CA10: variants seen among roughly 807,000 people sequenced by gnomAD.
The protein encoded by CA10 is carbonic anhydrase 10 (inactive).
In CA10, 14 loss-of-function variants were observed where a neutral mutation model predicts 44.2. The observed-to-expected ratio is 0.32, with a 90% CI of 0.21 to 0.50. The LOEUF (loss-of-function observed/expected upper bound fraction) is 0.50. Among genes scored for constraint, CA10 ranks in the 20% least tolerant of loss-of-function variants. The pLI is 0.99. For synonymous variants in CA10, 159 were observed against 141.6 expected (o/e 1.12, Z -0.87); for missense variants, 350 against 409.7 (o/e 0.85, Z 1.26).
intron 1 of CA10, among the ~76,000 whole-genome samples, chr17:52,126,127 G>C (rs1173715011): frequency 6.6e-6 from 1 of 152,126 alleles, no homozygotes; most frequent in Non-Finnish European, 1.5e-5. Flanking sequence ...AGTGTTATGT[G>C]AAAAAACATT....
chr17:51,998,032 A>T (rs1457038271), intron 2 of CA10, among the ~76,000 whole-genome samples: 2 of 152,084 alleles, frequency 1.3e-5, no homozygotes, highest in Non-Finnish European at 2.9e-5. Context: ...GCAAACTGGA[A>T]AGCAGCATAT....
chr17:51,981,833 C>T (rs1479212462), intron 2 of CA10, among the ~76,000 whole-genome samples: 2 of 151,942 alleles, frequency 1.3e-5, no homozygotes, highest in African/African-American at 4.8e-5. Flanking sequence ...TTGGTCAGAA[C>T]ACTGGGAAGA....
rs138256243 is a variant in CA10, at chr17:52,110,472, A to T, written c.62-38079T>A. Among the ~76,000 whole-genome samples the T allele has an allele frequency of 1.5e-4, 23 of 152,256 alleles. 1 individual carries two copies. The highest frequency in any genetic ancestry group is 1.5e-5 in the Non-Finnish European group (1 of 68,048). On this transcript the variant is annotated intron_variant, in intron 1 of 8. Transcript: ENST00000451037. ...GACATTTATGCAAATGGCTTAGCCA[A>T]TGCTTGCCCCTAGCAATTGATGTGA...
chr17:52,103,331 C>T lies in CA10; in HGVS notation c.62-30938G>A, dbSNP rs986706996. 2.2e-4 allele frequency among the ~76,000 whole-genome samples: 33 copies of T among 152,184 alleles called. 1 individual carries two copies. The highest frequency in any genetic ancestry group is 5.9e-4 in the Admixed American group (9 of 15,284). ...TCTGGCACTTGCTCCAGGATCAACT[C>T]CCTGCCAGTCACTCTCCCAGTCGTC... On this transcript the variant is annotated intron_variant, in intron 1 of 8. Transcript: ENST00000451037.
At chr17:52,016,421 C>G (rs1985969450) in intron 2 of CA10, among the ~76,000 whole-genome samples, 2 of 152,102 alleles carry the variant, frequency 1.3e-5, no homozygotes, top group South Asian at 4.1e-4. Context: ...GTATTCATTG[C>G]ATTGATTGCA....
chr17:51,840,790 T>A (rs1978313115), intron 3 of CA10, among the ~76,000 whole-genome samples: 1 of 152,102 alleles, frequency 6.6e-6, no homozygotes, highest in Admixed American at 6.5e-5. Flanking sequence ...AAATACGATA[T>A]CAAAACCACA....
At chr17:51,801,454 A>G (rs1906926568) in intron 3 of CA10, among the ~76,000 whole-genome samples, 1 of 152,074 alleles carries the variant, frequency 6.6e-6, no homozygotes, top group South Asian at 2.1e-4. Context: ...TAACAGCGTG[A>G]GTGTGCTTTC....
At chr17:51,728,462 T>C (rs1289552837) in intron 4 of CA10, among the ~76,000 whole-genome samples, 1 of 152,222 alleles carries the variant, frequency 6.6e-6, no homozygotes, top group Non-Finnish European at 1.5e-5. Flanking sequence ...CAATCTGTGA[T>C]AGATCCTCAG....
At chr17:52,149,397 C>CAG (rs1479414843) in intron 1 of CA10, among the ~76,000 whole-genome samples, 3 of 152,212 alleles carry the variant, frequency 2.0e-5, no homozygotes, top group Non-Finnish European at 2.9e-5. Context: ...CACTGCCATC[C>CAG]TGATGGCCCA....
intron 1 of CA10, among the ~76,000 whole-genome samples, chr17:52,110,792 C>G (rs1165107585): frequency 1.3e-5 from 2 of 152,156 alleles, no homozygotes; most frequent in African/African-American, 4.8e-5. Context: ...AGGCTGCCTT[C>G]CTTTGTGGGC....
chr17:51,661,229 GAAAT>G (rs10578015), intron 4 of CA10, among the ~76,000 whole-genome samples: 126,585 of 151,752 alleles, frequency 0.83, 53,145 homozygotes, highest in Middle Eastern at 0.86. Context: ...TATCAAGGCA[GAAAT>G]AAATAATTGT....
At chr17:52,115,706 G>A (rs1383110277) in intron 1 of CA10, among the ~76,000 whole-genome samples, 1 of 152,216 alleles carries the variant, frequency 6.6e-6, no homozygotes, top group East Asian at 1.9e-4. Flanking sequence ...TGGCCCAAGG[G>A]CCCTGCGTGG....
chr17:52,138,035 G>A (rs1438989609), intron 1 of CA10, among the ~76,000 whole-genome samples: 2 of 152,026 alleles, frequency 1.3e-5, no homozygotes, highest in Non-Finnish European at 2.9e-5. Context: ...TTATCTTACA[G>A]TTCTGGAGCT....
At chr17:51,671,757 T>G (rs542132160) in intron 4 of CA10, among the ~76,000 whole-genome samples, 1 of 152,340 alleles carries the variant, frequency 6.6e-6, no homozygotes, top group East Asian at 1.9e-4. Flanking sequence ...GCCATTGTTT[T>G]GGCTGTAATT....
At chr17:51,687,891 A>C (rs372634221) in intron 4 of CA10, among the ~76,000 whole-genome samples, 6 of 152,318 alleles carry the variant, frequency 3.9e-5, no homozygotes, top group African/African-American at 1.4e-4. Flanking sequence ...CTCCTTAATG[A>C]TTCTTGCCAC....
intron 2 of CA10, among the ~76,000 whole-genome samples, chr17:51,949,807 A>C (rs948596898): frequency 6.6e-6 from 1 of 152,158 alleles, no homozygotes; most frequent in African/African-American, 2.4e-5. Context: ...ACATTGGACT[A>C]TAGAGCTTTG....
intron 3 of CA10, among the ~76,000 whole-genome samples, chr17:51,915,276 C>A (rs1314943480): frequency 6.6e-6 from 1 of 152,148 alleles, no homozygotes; most frequent in Non-Finnish European, 1.5e-5. Flanking sequence ...TCGGCAAGGA[C>A]AATTTGTTCG....
At chr17:51,825,951 G>A (rs1008282673) in intron 3 of CA10, among the ~76,000 whole-genome samples, 13 of 152,270 alleles carry the variant, frequency 8.5e-5, no homozygotes, top group South Asian at 2.1e-4. Context: ...TTTTCTCAGC[G>A]TACTTTATTG....
chr17:51,910,338 A>G (rs1981739780), intron 3 of CA10, among the ~76,000 whole-genome samples: 1 of 152,170 alleles, frequency 6.6e-6, no homozygotes, highest in South Asian at 2.1e-4. Context: ...ACGAAAGAGC[A>G]GGGAAACACA....
Sources: gnomAD v4.1 joint callset for allele counts (sites outside exome capture counted in the v4.1 genomes callset) on GRCh38, gnomAD v4.1.1 for gene constraint, MANE v1.5 for transcripts, NCBI Gene and HGNC (gene_info 2026-07-23, HGNC 2026-07-21) for gene names.